The following C20orf203 variants were observed in gnomAD, a reference collection of about 807,000 sequenced individuals.
C20orf203 encodes uncharacterized protein C20orf203.
In C20orf203, 16 loss-of-function variants were observed where a neutral mutation model predicts 15.9. The ratio of observed to expected loss-of-function variants is 1.01; its 90% confidence interval spans 0.68 to 1.53. The LOEUF (loss-of-function observed/expected upper bound fraction) is 1.53. Ranked by LOEUF, C20orf203 falls within the 40% of genes most tolerant of loss-of-function variation. C20orf203 has a pLI of 0.00. For synonymous variants in C20orf203, 98 were observed against 97.2 expected (o/e 1.01, Z -0.05); for missense variants, 263 against 247.5 (o/e 1.06, Z -0.42).
intron 4 of C20orf203, among the ~76,000 whole-genome samples, chr20:32,648,362 C>A (rs533206352): frequency 2.6e-4 from 40 of 151,936 alleles, no homozygotes; most frequent in African/African-American, 9.2e-4. Context: ...ATGCCCCAAT[C>A]CCTATTCTCT....
rs544443606 is a variant in C20orf203 at position 32,640,322 on chromosome 20, C to A, written c.*1299+244G>T. ...GATATAATTCACATCACATACAATTCCCCTGTTTAATGCATGCAATTCAAT... is the reference window on the plus strand; with the variant it reads ...GATATAATTCACATCACATACAATTACCCTGTTTAATGCATGCAATTCAAT... On this transcript the variant is annotated intron_variant, in intron 5 of 5. Transcript: ENST00000608990. 1.3e-4 allele frequency among the ~76,000 whole-genome samples: 20 copies of A among 152,154 alleles called. No homozygotes were observed. The South Asian group carries it at 3.9e-3, about 30-fold the overall frequency.
rs1365300117 is a variant in C20orf203 at position 32,633,889 on chromosome 20, A to G, written c.*1681T>C. On this transcript the variant is annotated 3_prime_UTR_variant, in exon 6 of 6. Coordinates refer to ENST00000608990, the MANE Select transcript of C20orf203 (RefSeq NM_182584.4). ...TCCTGACTTGGGGCCCCTGCTCTGA[A>G]CCTTCCACCCCGTCCGCCTGGACTG... 2 of 396,362 alleles carry G rather than the reference A, an allele frequency of 5.0e-6. No individual in the cohort carries two copies. Among genetic ancestry groups the G allele is most frequent in the Non-Finnish European group, 8.9e-6 (2 of 225,478 alleles). 24.6% of individuals were successfully genotyped at this position (396,362 alleles called of 1,614,324 possible). A position where few individuals can be genotyped will look rare whatever the true frequency, so the allele number is the denominator to read the frequency against.
At chr20:32,656,074 T>C (rs2145675583) in intron 1 of C20orf203, among the ~76,000 whole-genome samples, 1 of 152,300 alleles carries the variant, frequency 6.6e-6, no homozygotes, top group South Asian at 2.1e-4. Flanking sequence ...CTGCCATGAT[T>C]GGAAGCTTCC....
chr20:32,637,940 ATGTATGGGCGTGTGTGTGCGCCCATG>A (rs1281153964), intron 5 of C20orf203, among the ~76,000 whole-genome samples: 2 of 151,672 alleles, frequency 1.3e-5, no homozygotes, highest in African/African-American at 4.8e-5. Flanking sequence ...GTGCAGGTGC[ATGTATGGGCGTGTGTGTGCGCCCATG>A]TGTCTGTGCG....
rs935494467 is a variant in C20orf203 at position 32,631,848 on chromosome 20, C to T, written c.*3722G>A. The T allele has an allele frequency of 1.3e-5, 2 of 152,260 alleles. No individual in the cohort carries two copies. The highest frequency in any genetic ancestry group is 4.8e-5 in the African/African-American group (2 of 41,448). 9.4% of individuals were successfully genotyped at this position (152,260 alleles called of 1,614,324 possible). A position where few individuals can be genotyped will look rare whatever the true frequency, so the allele number is the denominator to read the frequency against. ...GGTAGTCTCAAGCTACATCTGGAGACTCTTCCTAAATCCACTGTGGCTCCC... is the reference window on the plus strand; with the variant it reads ...GGTAGTCTCAAGCTACATCTGGAGATTCTTCCTAAATCCACTGTGGCTCCC... On this transcript the variant is annotated 3_prime_UTR_variant, in exon 6 of 6. Coordinates refer to ENST00000608990, the MANE Select transcript of C20orf203 (RefSeq NM_182584.4).
intron 5 of C20orf203, among the ~76,000 whole-genome samples, chr20:32,638,399 G>A (rs762075178): frequency 7.2e-5 from 11 of 152,198 alleles, no homozygotes. Flanking sequence ...GTCAGACTCT[G>A]GAGGGTGCTG....
In C20orf203 at chr20:32,633,384, C is replaced by T. The variant is rs1313976768; in HGVS notation, c.*2186G>A. ...ACAATGATCATATAGTAAGTGTCTCCTCTGTGCCTGCCCCTTCTTCAGCCC... is the reference window on the plus strand; with the variant it reads ...ACAATGATCATATAGTAAGTGTCTCTTCTGTGCCTGCCCCTTCTTCAGCCC... On this transcript the variant is annotated 3_prime_UTR_variant, in exon 6 of 6. Coordinates refer to ENST00000608990, the MANE Select transcript of C20orf203 (RefSeq NM_182584.4). 6.6e-6 allele frequency: 1 copy of T among 152,156 alleles called. No individual in the cohort carries two copies. Among genetic ancestry groups the T allele is most frequent in the Non-Finnish European group, 1.5e-5 (1 of 68,046 alleles). 9.4% of individuals were successfully genotyped at this position (152,156 alleles called of 1,614,324 possible). A position where few individuals can be genotyped will look rare whatever the true frequency, so the allele number is the denominator to read the frequency against.
At chr20:32,637,860 G>GTGCA (rs1982178092) in intron 5 of C20orf203, among the ~76,000 whole-genome samples, 1 of 152,176 alleles carries the variant, frequency 6.6e-6, no homozygotes, top group African/African-American at 2.4e-5. Flanking sequence ...GTCACTGTGT[G>GTGCA]TGCATGCATG....
intron 1 of C20orf203, among the ~76,000 whole-genome samples, chr20:32,662,076 C>T (rs1449531573): frequency 6.6e-6 from 1 of 152,228 alleles, no homozygotes; most frequent in African/African-American, 2.4e-5. Context: ...CCCGCTCACG[C>T]CCCAGGATGG....
At chr20:32,670,061 G>A (rs1351290295) in intron 1 of C20orf203, among the ~76,000 whole-genome samples, 1 of 152,162 alleles carries the variant, frequency 6.6e-6, no homozygotes, top group African/African-American at 2.4e-5. Context: ...ACTTAGCTGG[G>A]CATGGTGGCG....
chr20:32,639,543 G>T (rs1031192453), intron 5 of C20orf203, among the ~76,000 whole-genome samples: 5 of 152,034 alleles, frequency 3.3e-5, no homozygotes, highest in Middle Eastern at 3.4e-3. Flanking sequence ...CAAGAGGTGA[G>T]GGCTGGAGGA....
chr20:32,663,177 T>C (rs972429471), intron 1 of C20orf203, among the ~76,000 whole-genome samples: 6 of 152,032 alleles, frequency 3.9e-5, no homozygotes, highest in African/African-American at 1.4e-4. Context: ...CTTAAACTCC[T>C]GACCTTGTGA....
chr20:32,671,025 A>C (rs1244227153), intron 1 of C20orf203, among the ~76,000 whole-genome samples: 1 of 152,006 alleles, frequency 6.6e-6, no homozygotes, highest in East Asian at 1.9e-4. Flanking sequence ...AAAAAAAAAA[A>C]AAAACAACAG....
In C20orf203 at chr20:32,652,736, T is replaced by TG. The variant is rs533099671; in HGVS notation, c.-263-756dup. 2.5e-3 allele frequency among the ~76,000 whole-genome samples: 375 copies of TG among 152,112 alleles called. 2 individuals carry two copies. The highest frequency in any genetic ancestry group is 8.5e-3 in the African/African-American group (354 of 41,496). ...CCAGGTAGCCAGACACGCACCAGTT[T>TG]GGGGGGCTTCCTGCTGCTGGGCAAT... On this transcript the variant is annotated intron_variant, in intron 1 of 5. Transcript: ENST00000608990.
intron 1 of C20orf203, among the ~76,000 whole-genome samples, chr20:32,671,857 A>T (rs1411214950): frequency 9.1e-6 from 1 of 110,222 alleles, no homozygotes; most frequent in Non-Finnish European, 2.0e-5. Context: ...AAAAAAAAAA[A>T]AAAAAAATAG....
In C20orf203 at chr20:32,633,913, T is replaced by C; in HGVS notation, c.*1657A>G. ...AACCTTCCACCCCGTCCGCCTGGAC[T>C]GGATGCTTCTCCCGGATCCTGATGC... On this transcript the variant is annotated 3_prime_UTR_variant, in exon 6 of 6. Transcript: ENST00000608990. The C allele has an allele frequency of 2.5e-6, 1 of 397,958 alleles. No individual in the cohort carries two copies. Among genetic ancestry groups the C allele is most frequent in the Non-Finnish European group, 4.4e-6 (1 of 226,050 alleles). The allele number at this position is 397,958 out of a possible 1,614,324, so 24.7% of individuals were successfully genotyped here.
intron 1 of C20orf203, among the ~76,000 whole-genome samples, chr20:32,670,112 AG>A (rs1157779214): frequency 1.3e-5 from 2 of 152,216 alleles, no homozygotes; most frequent in African/African-American, 4.8e-5. Context: ...CAGGAGGCTG[AG>A]GCAGGAGAAT....
chr20:32,663,020 C>T (rs1004704200), intron 1 of C20orf203, among the ~76,000 whole-genome samples: 4 of 150,244 alleles, frequency 2.7e-5, no homozygotes, highest in African/African-American at 9.8e-5. Context: ...TCAATCTCGG[C>T]TCACTGCAAC....
intron 1 of C20orf203, among the ~76,000 whole-genome samples, chr20:32,652,728 C>T (rs1021119054): frequency 6.6e-6 from 1 of 152,120 alleles, no homozygotes; most frequent in East Asian, 1.9e-4. Context: ...GCCAGACACG[C>T]ACCAGTTTGG....
Sources: allele counts gnomAD v4.1 joint callset (sites outside exome capture counted in the v4.1 genomes callset), GRCh38; gene constraint gnomAD v4.1.1; transcripts MANE v1.5; gene names NCBI Gene and HGNC (gene_info 2026-07-23, HGNC 2026-07-21).